Variants in GABRA3 observed in about 807,000 individuals in gnomAD.
GABRA3 encodes the protein gamma-aminobutyric acid receptor subunit alpha-3.
In GABRA3, 10 loss-of-function variants were observed where a neutral mutation model predicts 30.1. That is an observed-to-expected ratio of 0.33 (90% CI 0.20 to 0.56). The LOEUF (loss-of-function observed/expected upper bound fraction) is 0.56. Among genes scored for constraint, GABRA3 ranks in the 20% least tolerant of loss-of-function variants. The probability of loss-of-function intolerance (pLI) is 0.89; values close to 1 mark genes in which losing one functional copy is unlikely to be tolerated. For missense variants in GABRA3, 233 were observed against 392.0 expected (o/e 0.59, Z 3.42); for synonymous variants, 151 against 146.8 (o/e 1.03, Z -0.21).
intron 4 of GABRA3, among the ~76,000 whole-genome samples, chrX:152,278,284 A>G (rs1459475870): frequency 3.9e-5 from 3 of 76,896 alleles, no homozygotes; most frequent in African/African-American, 1.0e-4. Context: ...AACAGGCCCC[A>G]GTGTGTGATG....
At chrX:152,345,316 G>A (rs896968425) in intron 3 of GABRA3, among the ~76,000 whole-genome samples, 16 of 111,421 alleles carry the variant, frequency 1.4e-4, no homozygotes, top group Admixed American at 1.2e-3. Flanking sequence ...AAAATCATAC[G>A]TCAAACCATT....
At chrX:152,402,139 A>C (rs1290771295) in intron 1 of GABRA3, among the ~76,000 whole-genome samples, 1 of 112,342 alleles carries the variant, frequency 8.9e-6, no homozygotes, top group Non-Finnish European at 1.9e-5. Context: ...CAAATGAAGA[A>C]ACACAATAGT....
At chrX:152,342,164 C>T (rs900424665) in intron 3 of GABRA3, among the ~76,000 whole-genome samples, 1 of 112,766 alleles carries the variant, frequency 8.9e-6, no homozygotes, top group African/African-American at 3.2e-5. Context: ...AGCCACCACG[C>T]CCGGCCCTAT....
intron 1 of GABRA3, among the ~76,000 whole-genome samples, chrX:152,366,943 G>A (rs1334638136): frequency 9.0e-6 from 1 of 111,403 alleles, no homozygotes; most frequent in East Asian, 2.8e-4. Flanking sequence ...CACTGTAGCA[G>A]AAAGGTAAGA....
chrX:152,187,958 C>G (rs1394655181), intron 9 of GABRA3, among the ~76,000 whole-genome samples: 1 of 111,844 alleles, frequency 8.9e-6, no homozygotes, highest in Non-Finnish European at 1.9e-5. Context: ...AATAGCTCAA[C>G]TATTATTTAA....
intron 5 of GABRA3, among the ~76,000 whole-genome samples, chrX:152,233,073 T>C (rs1042870804): frequency 1.8e-5 from 2 of 111,486 alleles, no homozygotes; most frequent in African/African-American, 6.5e-5. Flanking sequence ...CACTGATAAC[T>C]AGTGATGTTG....
At chrX:152,363,671 G>A (rs1186590655) in intron 2 of GABRA3, among the ~76,000 whole-genome samples, 1 of 111,886 alleles carries the variant, frequency 8.9e-6, no homozygotes, top group Non-Finnish European at 1.9e-5. Context: ...ATTTGCTCAA[G>A]AATCCTTGTT....
chrX:152,224,938 G>C lies in GABRA3; in HGVS notation c.552-93C>G, dbSNP rs1403636091. 15 of 601,464 alleles carry C rather than the reference G, an allele frequency of 2.5e-5. No homozygotes were observed. In the South Asian group the frequency reaches 5.5e-4, roughly 22 times the overall value. 49.6% of individuals were successfully genotyped at this position (601,464 alleles called of 1,213,427 possible). A position where few individuals can be genotyped will look rare whatever the true frequency, so the allele number is the denominator to read the frequency against. Reference sequence around the variant, plus strand: ...CCCACTCAGTTCCTAAGAATAACGAGATTTTTGTTTGTTTAAGTTCACTGA... The same window carrying C: ...CCCACTCAGTTCCTAAGAATAACGACATTTTTGTTTGTTTAAGTTCACTGA... On this transcript the variant is annotated intron_variant, in intron 5 of 9. Coordinates refer to ENST00000370314, the MANE Select transcript of GABRA3 (RefSeq NM_000808.4).
chrX:152,424,923 C>CT (rs1277294247), intron 1 of GABRA3, among the ~76,000 whole-genome samples: 4 of 74,530 alleles, frequency 5.4e-5, no homozygotes, highest in Non-Finnish European at 1.0e-4. Context: ...TTTTCTTTTT[C>CT]TTTTCTTTTT....
intron 4 of GABRA3, among the ~76,000 whole-genome samples, chrX:152,263,567 T>C (rs1365710203): frequency 1.8e-5 from 2 of 110,490 alleles, no homozygotes; most frequent in African/African-American, 6.6e-5. Flanking sequence ...CAATGAAGCA[T>C]GCTTTCAAGA....
intron 6 of GABRA3, among the ~76,000 whole-genome samples, chrX:152,220,992 T>C (rs1937825046): frequency 9.0e-6 from 1 of 111,091 alleles, no homozygotes; most frequent in Non-Finnish European, 1.9e-5. Context: ...GGATGTCTTA[T>C]GCTTTTGAGT....
intron 1 of GABRA3, among the ~76,000 whole-genome samples, chrX:152,372,577 A>G (rs892164184): frequency 8.9e-6 from 1 of 111,794 alleles, no homozygotes; most frequent in Admixed American, 9.6e-5. Flanking sequence ...CATAGAGTAG[A>G]GCCTAGCACA....
chrX:152,249,708 C>G (rs1177360427), intron 5 of GABRA3, among the ~76,000 whole-genome samples: 1 of 111,236 alleles, frequency 9.0e-6, no homozygotes, highest in Admixed American at 9.6e-5. Context: ...GCACTGTACT[C>G]TGGTCCAATC....
At chrX:152,283,333 T>C (rs1939230991) in intron 4 of GABRA3, among the ~76,000 whole-genome samples, 1 of 111,574 alleles carries the variant, frequency 9.0e-6, no homozygotes, top group African/African-American at 3.3e-5. Context: ...GGAGACTTGG[T>C]ACTTGCCCTC....
At chrX:152,283,337 T>G (rs1480555302) in intron 4 of GABRA3, among the ~76,000 whole-genome samples, 1 of 111,592 alleles carries the variant, frequency 9.0e-6, no homozygotes, top group Non-Finnish European at 1.9e-5. Flanking sequence ...ACTTGGTACT[T>G]GCCCTCGAGG....
rs977128466 is a variant in GABRA3, at chrX:152,412,914, G to A, written c.-27+38232C>T. Reference sequence around the variant, plus strand: ...TTTGCATAATGGGCGTTTCAGAGGAGGAGGAGAGAGAAAAGAGCAGAAAGA... The same window carrying A: ...TTTGCATAATGGGCGTTTCAGAGGAAGAGGAGAGAGAAAAGAGCAGAAAGA... On this transcript the variant is annotated intron_variant, in intron 1 of 9. Coordinates refer to ENST00000370314, the MANE Select transcript of GABRA3 (RefSeq NM_000808.4). 2.7e-5 allele frequency among the ~76,000 whole-genome samples: 3 copies of A among 111,252 alleles called. No homozygotes were observed. The South Asian group carries it at 1.1e-3, about 42-fold the overall frequency.
intron 3 of GABRA3, among the ~76,000 whole-genome samples, chrX:152,290,478 A>G (rs994419778): frequency 1.8e-5 from 2 of 111,621 alleles, no homozygotes; most frequent in Non-Finnish European, 3.8e-5. Flanking sequence ...GTTCACCCTG[A>G]TGATAGTTTC....
intron 2 of GABRA3, among the ~76,000 whole-genome samples, chrX:152,359,852 T>C (rs1928430271): frequency 8.9e-6 from 1 of 112,066 alleles, no homozygotes; most frequent in Non-Finnish European, 1.9e-5. Flanking sequence ...ATTTGGGCCA[T>C]GCTTTTAGTA....
At chrX:152,369,369 A>G (rs903385874) in intron 1 of GABRA3, among the ~76,000 whole-genome samples, 13 of 110,460 alleles carry the variant, frequency 1.2e-4, no homozygotes, top group Non-Finnish European at 2.5e-4. Context: ...ATTAATAAAT[A>G]AATAAATAAA....
Sources: gnomAD v4.1 joint callset for allele counts (sites outside exome capture counted in the v4.1 genomes callset) on GRCh38, gnomAD v4.1.1 for gene constraint, MANE v1.5 for transcripts, NCBI Gene and HGNC (gene_info 2026-07-23, HGNC 2026-07-21) for gene names.